Variants in TMEM135 observed in about 807,000 individuals in gnomAD.
TMEM135 encodes the protein transmembrane protein 135.
A neutral mutation model predicts 60.3 loss-of-function variants in TMEM135; 30 were observed. That is an observed-to-expected ratio of 0.50 (90% CI 0.37 to 0.68). The LOEUF is 0.68. Ranked by LOEUF, TMEM135 falls within the 30% of genes least tolerant of loss-of-function variation. TMEM135 has a pLI of 0.00. For synonymous variants in TMEM135, 190 were observed against 186.7 expected, an observed-to-expected ratio of 1.02 and a Z score of -0.14; for missense variants, 468 against 548.8, an observed-to-expected ratio of 0.85 and a Z score of 1.47.
intron 6 of TMEM135, among the ~76,000 whole-genome samples, chr11:87,256,476 G>A (rs1470282684): frequency 2.0e-5 from 3 of 152,158 alleles, no homozygotes; most frequent in African/African-American, 7.2e-5. Flanking sequence ...GTTGTAATAT[G>A]TAGTATGATT....
intron 5 of TMEM135, among the ~76,000 whole-genome samples, chr11:87,171,738 G>A (rs556345088): frequency 5.1e-4 from 78 of 152,150 alleles, no homozygotes; most frequent in Non-Finnish European, 9.4e-4. Context: ...AGTGGTGTCC[G>A]ACCTTTTTGG....
chr11:87,130,790 C>T (rs1468510038), intron 4 of TMEM135, among the ~76,000 whole-genome samples: 1 of 152,152 alleles, frequency 6.6e-6, no homozygotes, highest in Non-Finnish European at 1.5e-5. Context: ...GAGTGAAACA[C>T]TGTACCAGGC....
chr11:87,211,943 CA>C (rs917232733), intron 5 of TMEM135, among the ~76,000 whole-genome samples: 46 of 136,868 alleles, frequency 3.4e-4, no homozygotes, highest in Admixed American at 4.4e-4. Flanking sequence ...GACTCCGTCT[CA>C]AAAAAAAAAA....
At chr11:87,056,226 G>T in intron 1 of TMEM135, among the ~76,000 whole-genome samples, 1 of 152,158 alleles carries the variant, frequency 6.6e-6, no homozygotes, top group East Asian at 1.9e-4. Context: ...TTATTAATTT[G>T]TTCCTTTAAC....
intron 4 of TMEM135, among the ~76,000 whole-genome samples, chr11:87,110,344 A>C (rs1453843205): frequency 6.6e-6 from 1 of 152,028 alleles, no homozygotes; most frequent in Non-Finnish European, 1.5e-5. Context: ...GCATCTGTAG[A>C]CCTAGCTACT....
intron 5 of TMEM135, among the ~76,000 whole-genome samples, chr11:87,170,106 A>G (rs981068207): frequency 6.6e-6 from 1 of 152,000 alleles, no homozygotes; most frequent in Non-Finnish European, 1.5e-5. Context: ...TGCTTCACAA[A>G]GTTCTCATGC....
At chr11:87,193,118 G>A (rs906096756) in intron 5 of TMEM135, among the ~76,000 whole-genome samples, 4 of 151,834 alleles carry the variant, frequency 2.6e-5, no homozygotes, top group South Asian at 2.1e-4. Flanking sequence ...AAAAAAAATT[G>A]TCATTTTTTG....
At chr11:87,181,217 A>G (rs1939506044) in intron 5 of TMEM135, among the ~76,000 whole-genome samples, 1 of 152,172 alleles carries the variant, frequency 6.6e-6, no homozygotes, top group South Asian at 2.1e-4. Context: ...TCAACAGCAG[A>G]ATGGAGGGGA....
At chr11:87,193,995 G>T (rs1939876681) in intron 5 of TMEM135, among the ~76,000 whole-genome samples, 1 of 151,994 alleles carries the variant, frequency 6.6e-6, no homozygotes, top group Admixed American at 6.6e-5. Context: ...TAGCAGAGAA[G>T]ATTAATGTAG....
At position 87,269,307 on chromosome 11, in the gene TMEM135, C is replaced by CTT. The variant is rs34439506; in HGVS notation, c.510-26466_510-26465dup. ...TTTTTTTTTTTTTTTTATGAGGAAG[C>CTT]TTTTTTTTTTGTGCAAGTGTGGATT... On this transcript the variant is annotated intron_variant, in intron 6 of 14. Transcript: ENST00000305494. Among the ~76,000 whole-genome samples, 191 of 121,104 alleles carry CTT rather than the reference C, an allele frequency of 1.6e-3. 1 individual carries two copies. The highest frequency in any genetic ancestry group is 5.3e-3 in the African/African-American group (169 of 31,692). 79.4% of individuals were successfully genotyped at this position (121,104 alleles called of 152,430 possible).
At chr11:87,059,942 T>C (rs1949930654) in intron 1 of TMEM135, among the ~76,000 whole-genome samples, 1 of 148,836 alleles carries the variant, frequency 6.7e-6, no homozygotes, top group South Asian at 2.1e-4. Flanking sequence ...GGTGAAAATC[T>C]GTCTCTACTA....
intron 4 of TMEM135, among the ~76,000 whole-genome samples, chr11:87,109,564 A>G (rs1237426251): frequency 1.3e-5 from 2 of 152,212 alleles, no homozygotes; most frequent in African/African-American, 2.4e-5. Context: ...GTGACATAGC[A>G]GTTAAAACTT....
At chr11:87,171,098 G>A (rs1939225059) in intron 5 of TMEM135, among the ~76,000 whole-genome samples, 1 of 152,094 alleles carries the variant, frequency 6.6e-6, no homozygotes, top group Admixed American at 6.6e-5. Context: ...AATATGAAAA[G>A]GGGCATAGTT....
chr11:87,098,082 A>C (rs1857371598), intron 4 of TMEM135, among the ~76,000 whole-genome samples: 1 of 152,080 alleles, frequency 6.6e-6, no homozygotes, highest in Non-Finnish European at 1.5e-5. Context: ...TTGTGCCATA[A>C]TTTGTTAAAT....
intron 3 of TMEM135, among the ~76,000 whole-genome samples, chr11:87,084,730 C>G (rs1471214531): frequency 6.6e-6 from 1 of 152,168 alleles, no homozygotes; most frequent in Non-Finnish European, 1.5e-5. Flanking sequence ...ATGAGAAAAG[C>G]TTATGTGGTA....
chr11:87,219,878 A>G (rs1055672825), intron 5 of TMEM135, among the ~76,000 whole-genome samples: 1 of 152,194 alleles, frequency 6.6e-6, no homozygotes, highest in Non-Finnish European at 1.5e-5. Flanking sequence ...ATATTATTAT[A>G]GATAATATGC....
At chr11:87,040,859 G>A (rs1192776360) in intron 1 of TMEM135, among the ~76,000 whole-genome samples, 6 of 151,988 alleles carry the variant, frequency 3.9e-5, no homozygotes, top group Non-Finnish European at 5.9e-5. Context: ...TCCCTTCTCC[G>A]GTGGCACTTA....
chr11:87,183,282 A>G lies in TMEM135; in HGVS notation c.462+25876A>G, dbSNP rs1939565960. Among the ~76,000 whole-genome samples, 3 of 151,298 alleles carry G rather than the reference A, an allele frequency of 2.0e-5. No homozygotes were observed. In the South Asian group the frequency reaches 6.3e-4, roughly 32 times the overall value. On this transcript the variant is annotated intron_variant, in intron 5 of 14. Coordinates refer to ENST00000305494, the MANE Select transcript of TMEM135 (RefSeq NM_022918.4). ...CTCAGCCTCCTGAGTAGTTGGGATT[A>G]CAGGTGTGTGCCACCACGCCTGGTT...
chr11:87,044,110 T>G (rs775608919), intron 1 of TMEM135, among the ~76,000 whole-genome samples: 1 of 152,258 alleles, frequency 6.6e-6, no homozygotes, highest in South Asian at 2.1e-4. Flanking sequence ...TACTCAATAT[T>G]TACTCCCTTT....
Sources: allele counts gnomAD v4.1 joint callset (sites outside exome capture counted in the v4.1 genomes callset), GRCh38; gene constraint gnomAD v4.1.1; transcripts MANE v1.5; gene names NCBI Gene and HGNC (gene_info 2026-07-23, HGNC 2026-07-21).